The following PPME1 variants were observed in gnomAD, a reference collection of about 807,000 sequenced individuals.
The protein encoded by PPME1 is testicular secretory protein Li 39.
PPME1 carries 17 observed loss-of-function variants against 56.9 expected under a neutral mutation model. That is an observed-to-expected ratio of 0.30 (90% CI 0.20 to 0.45). The LOEUF (loss-of-function observed/expected upper bound fraction) is 0.45, where lower values mean the gene tolerates loss of function less well. PPME1 is among the 20% of genes least tolerant of loss of function. The pLI is 1.00. For missense variants in PPME1, 357 were observed against 483.2 expected, an observed-to-expected ratio of 0.74 and a Z score of 2.45; for synonymous variants, 122 against 156.2, an observed-to-expected ratio of 0.78 and a Z score of 1.63.
In PPME1 at chr11:74,225,042, A is replaced by G. The variant is rs569698209; in HGVS notation, c.347-163A>G. Among the ~76,000 whole-genome samples the G allele has an allele frequency of 1.8e-4, 27 of 152,282 alleles. No individual in the cohort carries two copies. In the South Asian group the frequency reaches 5.4e-3, roughly 30 times the overall value. Reference sequence around the variant, plus strand: ...GGCTACTGTAATTATCCTTCTTAGGATAACTATAAAGATTTTTCTGAAGAA... The same window carrying G: ...GGCTACTGTAATTATCCTTCTTAGGGTAACTATAAAGATTTTTCTGAAGAA... On this transcript the variant is annotated intron_variant, in intron 4 of 13. Coordinates refer to ENST00000328257, the MANE Select transcript of PPME1 (RefSeq NM_016147.3).
chr11:74,204,512 A>G, intron 3 of PPME1, 67 bp downstream of exon 3: 1 of 1,349,700 alleles, frequency 7.4e-7, no homozygotes, highest in Non-Finnish European at 1.0e-6. Flanking sequence ...ATAGGGACAA[A>G]TCTTGGAAGT....
rs1858820385 is a variant in PPME1, at chr11:74,222,346, T to C, written c.323T>C (p.Val108Ala). The change falls in exon 4 of 14, where the codon GTA becomes GCA. Residue 108 changes from valine to alanine, a missense_variant. By Grantham distance (64) the Val-to-Ala change is moderately conservative. Transcript: ENST00000328257. ...ATTAGTAGAGTTCAGTGTAGGATTG[T>C]AGCTTTGGATCTGCGAAGTCATGGT... ...AIISRVQCRI[V>A]ALDLRSHGET... 1.2e-6 allele frequency: 2 copies of C among 1,612,120 alleles called. No homozygotes were observed. The highest frequency in any genetic ancestry group is 1.1e-5 in the South Asian group (1 of 91,040).
rs1859763005 is a variant in PPME1 at position 74,253,709 on chromosome 11, C to T, written c.*199C>T. 7.8e-6 allele frequency: 5 copies of T among 639,544 alleles called. No homozygotes were observed. Among genetic ancestry groups the T allele is most frequent in the South Asian group, 7.5e-5 (4 of 53,396 alleles). 39.6% of individuals were successfully genotyped at this position (639,544 alleles called of 1,614,324 possible). On this transcript the variant is annotated 3_prime_UTR_variant, in exon 14 of 14. Coordinates refer to ENST00000328257, the MANE Select transcript of PPME1 (RefSeq NM_016147.3). ...GTTTTCCAGGGCCCTTGACCAACAT[C>T]GGCTTCCCCAGTCCAGGGCTCCCCT...
chr11:74,244,689 T>C (rs755360160), intron 9 of PPME1, among the ~76,000 whole-genome samples: 4 of 152,232 alleles, frequency 2.6e-5, no homozygotes, highest in Non-Finnish European at 5.9e-5. Context: ...ATATATGATT[T>C]GCAAAGATTT....
chr11:74,176,834 G>T (rs1417105906), intron 1 of PPME1, among the ~76,000 whole-genome samples: 1 of 150,166 alleles, frequency 6.7e-6, no homozygotes, highest in Non-Finnish European at 1.5e-5. Flanking sequence ...GGGTTCAGGC[G>T]ATTCTCCTGC....
At chr11:74,253,120 A>C (rs1198918580) in intron 13 of PPME1, among the ~76,000 whole-genome samples, 4 of 152,072 alleles carry the variant, frequency 2.6e-5, no homozygotes, top group Non-Finnish European at 5.9e-5. Flanking sequence ...GGGAGATGAG[A>C]GTGACAGGGC....
At chr11:74,236,004 G>A (rs771071489) in intron 8 of PPME1, 38 bp downstream of exon 8, 10 of 1,600,318 alleles carry the variant, frequency 6.2e-6, no homozygotes, top group South Asian at 3.4e-5. Context: ...GGTTAGAGGC[G>A]GAAACATGGT....
chr11:74,239,378 C>A, intron 9 of PPME1, 122 bp downstream of exon 9: 1 of 1,416,038 alleles, frequency 7.1e-7, no homozygotes. Context: ...GGAGCCAAGA[C>A]ACTATCATAA....
rs564045697 is a variant in PPME1 at position 74,185,234 on chromosome 11, G to A, written c.101+13712G>A. Among the ~76,000 whole-genome samples the A allele has an allele frequency of 3.2e-4, 48 of 151,952 alleles. 2 individuals carry two copies. In the South Asian group the frequency reaches 8.7e-3, roughly 28 times the overall value. ...AGGCTGGTCTCGAACTCCTGACCTCGTGATCCACCCACCTTGGCCTCCCAA... is the reference window on the plus strand; with the variant it reads ...AGGCTGGTCTCGAACTCCTGACCTCATGATCCACCCACCTTGGCCTCCCAA... On this transcript the variant is annotated intron_variant, in intron 1 of 13. Coordinates refer to ENST00000328257, the MANE Select transcript of PPME1 (RefSeq NM_016147.3).
At chr11:74,222,495 T>G in intron 4 of PPME1, 126 bp downstream of exon 4, 2 of 840,890 alleles carry the variant, frequency 2.4e-6, no homozygotes, top group Non-Finnish European at 3.8e-6. Flanking sequence ...GAGCTTTTTG[T>G]TGTTGTCGTT....
chr11:74,237,239 C>T (rs937908593), intron 8 of PPME1, among the ~76,000 whole-genome samples: 24 of 149,648 alleles, frequency 1.6e-4, no homozygotes, highest in Non-Finnish European at 3.4e-4. Context: ...GGTGATGTTG[C>T]GTACTGCCAT....
chr11:74,227,583 T>C (rs57393325), intron 5 of PPME1, among the ~76,000 whole-genome samples: 5,590 of 152,224 alleles, frequency 0.037, 214 homozygotes, highest in African/African-American at 0.098. Context: ...CATTCTGATA[T>C]TCCAATTTCT....
intron 9 of PPME1, among the ~76,000 whole-genome samples, chr11:74,243,069 C>G (rs986197779): frequency 6.6e-6 from 1 of 151,958 alleles, no homozygotes; most frequent in Non-Finnish European, 1.5e-5. Flanking sequence ...GGTGGATGCC[C>G]TTGTGTGGAG....
chr11:74,192,563 G>T (rs1026680195), intron 1 of PPME1, among the ~76,000 whole-genome samples: 2 of 152,112 alleles, frequency 1.3e-5, no homozygotes, highest in Non-Finnish European at 2.9e-5. Flanking sequence ...TTGGATGTTT[G>T]CACCCTCCAA....
In PPME1 at chr11:74,230,158, C is replaced by G; in HGVS notation, c.399-87C>G. 7.0e-7 allele frequency: 1 copy of G among 1,419,770 alleles called. No homozygotes were observed. Among genetic ancestry groups the G allele is most frequent in the Non-Finnish European group, 9.6e-7 (1 of 1,043,676 alleles). 87.9% of individuals were successfully genotyped at this position (1,419,770 alleles called of 1,614,324 possible). A position where few individuals can be genotyped will look rare whatever the true frequency, so the allele number is the denominator to read the frequency against. On this transcript the variant is annotated intron_variant, in intron 5 of 13. Transcript: ENST00000328257. The surrounding 1 kb of genome is among the most constrained non-coding windows in gnomAD (Gnocchi z 4.9). ...CTTTTACAGTTTCCCAGCACTGTTA[C>G]ACACCAAAGAAAGGAACTGGGAAAG... is the stretch of plus-strand genomic sequence containing the variant.
At chr11:74,239,600 A>G (rs1358715021) in intron 9 of PPME1, among the ~76,000 whole-genome samples, 2 of 140,420 alleles carry the variant, frequency 1.4e-5, no homozygotes, top group Non-Finnish European at 3.0e-5. Context: ...TTTTTGAGAC[A>G]GAGTCTTGCT....
chr11:74,249,566 G>C (rs1859600006), intron 11 of PPME1: 1 of 152,210 alleles, frequency 6.6e-6, no homozygotes, highest in Non-Finnish European at 1.5e-5. Context: ...AAAGAACAGG[G>C]AGATTGGAGT....
chr11:74,225,202 T>C lies in PPME1; in HGVS notation c.347-3T>C. On this transcript the variant is annotated splice_region_variant and splice_polypyrimidine_tract_variant and intron_variant, in intron 4 of 13. Coordinates refer to ENST00000328257, the MANE Select transcript of PPME1 (RefSeq NM_016147.3). The stretch of plus-strand genomic sequence containing the variant: ...TTTTATTTTTAAAATATTTTCATTT[T>C]AGGTGAAACAAAGGTCAAGAATCCT... The C allele has an allele frequency of 6.5e-7, 1 of 1,538,010 alleles. No homozygotes were observed. Among genetic ancestry groups the C allele is most frequent in the Admixed American group, 2.0e-5 (1 of 50,604 alleles).
At chr11:74,183,638 A>G (rs550418759) in intron 1 of PPME1, among the ~76,000 whole-genome samples, 49 of 152,276 alleles carry the variant, frequency 3.2e-4, no homozygotes, top group Non-Finnish European at 6.2e-4. Context: ...ATTCTAAGTG[A>G]TAAAGTATTG....
Sources: gnomAD v4.1 joint callset for allele counts (sites outside exome capture counted in the v4.1 genomes callset) on GRCh38, gnomAD v4.1.1 for gene constraint, Gnocchi (gnomAD v3.1) non-coding constraint, MANE v1.5 for transcripts, NCBI Gene and HGNC (gene_info 2026-07-23, HGNC 2026-07-21) for gene names.